Variants in PCDHA7 observed in about 807,000 individuals in gnomAD.
PCDHA7 encodes the protein protocadherin alpha 7, also known as protocadherin alpha-7.
Under a neutral mutation model 57.2 loss-of-function variants are expected in PCDHA7, and 37 were observed. The ratio of observed to expected loss-of-function variants is 0.65; its 90% confidence interval spans 0.50 to 0.85. The LOEUF is 0.85. Ranked by LOEUF, PCDHA7 falls within the 40% of genes least tolerant of loss-of-function variation. The probability of loss-of-function intolerance (pLI) is 0.00; values close to 1 mark genes in which losing one functional copy is unlikely to be tolerated. For synonymous variants in PCDHA7, 553 were observed against 558.8 expected, an observed-to-expected ratio of 0.99 and a Z score of 0.15; for missense variants, 1,188 against 1,241.8, an observed-to-expected ratio of 0.96 and a Z score of 0.65.
At chr5:140,948,313 G>T (rs1554218515) in intron 1 of PCDHA7, among the ~76,000 whole-genome samples, 2 of 151,362 alleles carry the variant, frequency 1.3e-5, no homozygotes, top group Non-Finnish European at 3.0e-5. Flanking sequence ...TCTTCTTGAG[G>T]GGTAATGTTT....
chr5:140,985,233 G>C (rs1447323173), intron 3 of PCDHA7, among the ~76,000 whole-genome samples: 4 of 152,084 alleles, frequency 2.6e-5, no homozygotes, highest in Non-Finnish European at 5.9e-5. Flanking sequence ...CACCGCGCCT[G>C]GCCTAATCTT....
chr5:140,925,917 A>T (rs1480980894), intron 1 of PCDHA7, among the ~76,000 whole-genome samples: 1 of 151,098 alleles, frequency 6.6e-6, no homozygotes, highest in African/African-American at 2.5e-5. Context: ...CCGTTTGCAA[A>T]GCACTCCCAA....
intron 1 of PCDHA7, chr5:140,856,830 T>C (rs1554149191): frequency 2.5e-6 from 4 of 1,592,726 alleles, no homozygotes; most frequent in Non-Finnish European, 3.4e-6. Context: ...ACATTAGTAA[T>C]ACGGCTCAAC....
At position 140,840,157 on chromosome 5, in the gene PCDHA7, G is replaced by T. The variant is rs1313215896; in HGVS notation, c.2355+3419G>T. 2.0e-5 allele frequency among the ~76,000 whole-genome samples: 3 copies of T among 151,986 alleles called. No homozygotes were observed. The East Asian group carries it at 5.8e-4, about 29-fold the overall frequency. ...AGAAATTATCACACGTGAAAGGAGA[G>T]ATGGGATGTATACAAATTTTAAATA... On this transcript the variant is annotated intron_variant, in intron 1 of 3. Transcript: ENST00000525929.
chr5:140,876,853 A>G, intron 1 of PCDHA7: 1 of 1,614,094 alleles, frequency 6.2e-7, no homozygotes. Context: ...GCCCGAGTAC[A>G]CAGTGTTCGT....
At position 140,923,025 on chromosome 5, in the gene PCDHA7, C is replaced by G. The variant is rs547252764; in HGVS notation, c.2356-55924C>G. ...GGTTGTTGGACTGCAGTTTCGGACTCTATTACTACATGTATAGTATTTAGA... is the reference window on the plus strand; with the variant it reads ...GGTTGTTGGACTGCAGTTTCGGACTGTATTACTACATGTATAGTATTTAGA... On this transcript the variant is annotated intron_variant, in intron 1 of 3. Coordinates refer to ENST00000525929, the MANE Select transcript of PCDHA7 (RefSeq NM_018910.3). 2.6e-5 allele frequency among the ~76,000 whole-genome samples: 4 copies of G among 152,296 alleles called. No homozygotes were observed. The East Asian group carries it at 7.7e-4, about 29-fold the overall frequency.
chr5:140,880,848 T>C (rs557784006), intron 1 of PCDHA7, among the ~76,000 whole-genome samples: 31 of 152,258 alleles, frequency 2.0e-4, no homozygotes, highest in African/African-American at 7.0e-4. Flanking sequence ...TGGTTGACTA[T>C]GTAGTCTAAT....
At chr5:140,999,894 G>A (rs1260070986) in intron 3 of PCDHA7, among the ~76,000 whole-genome samples, 3 of 152,096 alleles carry the variant, frequency 2.0e-5, no homozygotes, top group African/African-American at 7.2e-5. Flanking sequence ...TGTAGCTTGG[G>A]ACACCAAACA....
chr5:140,923,206 A>G (rs2081227659), intron 1 of PCDHA7, among the ~76,000 whole-genome samples: 1 of 152,172 alleles, frequency 6.6e-6, no homozygotes, highest in South Asian at 2.1e-4. Flanking sequence ...TTGGGAGGCT[A>G]AGGTGAAAGG....
At chr5:140,842,999 G>A (rs782032676) in intron 1 of PCDHA7, 1 of 1,594,954 alleles carries the variant, frequency 6.3e-7, no homozygotes, top group Admixed American at 1.7e-5. Context: ...GGACGAGAAT[G>A]ACAACGCGCC....
At chr5:140,849,768 G>A (rs1306922979) in intron 1 of PCDHA7, 2 of 1,598,386 alleles carry the variant, frequency 1.3e-6, no homozygotes, top group African/African-American at 2.7e-5. Flanking sequence ...CGAGCTGGTG[G>A]TTACCGCGCG....
At chr5:140,938,507 C>T (rs2092094259) in intron 1 of PCDHA7, among the ~76,000 whole-genome samples, 1 of 151,846 alleles carries the variant, frequency 6.6e-6, no homozygotes, top group Admixed American at 6.6e-5. Flanking sequence ...GAATTTATCA[C>T]ATATTTTCTG....
At chr5:140,945,158 G>C in intron 1 of PCDHA7, among the ~76,000 whole-genome samples, 1 of 151,932 alleles carries the variant, frequency 6.6e-6, no homozygotes, top group Non-Finnish European at 1.5e-5. Flanking sequence ...ATACACTATT[G>C]AACTATCTGA....
chr5:140,928,785 G>A, intron 1 of PCDHA7: 1 of 1,614,144 alleles, frequency 6.2e-7, no homozygotes, highest in Middle Eastern at 1.6e-4. Context: ...ATGCAGTTAA[G>A]CAGAGGGTGG....
At chr5:140,850,001 C>T in intron 1 of PCDHA7, 1 of 1,597,070 alleles carries the variant, frequency 6.3e-7, no homozygotes, top group Non-Finnish European at 8.6e-7. Flanking sequence ...TGGGCGAGCG[C>T]TCGCTGTCGA....
rs112947494 is a variant in PCDHA7, at chr5:140,841,828, C to T, written c.2355+5090C>T. The T allele has an allele frequency of 2.2e-3, 3,483 of 1,613,892 alleles. 96 individuals are homozygous for T. In the African/African-American group the frequency reaches 0.04, roughly 19 times the overall value. ...ATGTTGGAGCTAACTCCGTGTTAAC[C>T]TACAGGCTTAGCTCTCATGATTACT... On this transcript the variant is annotated intron_variant, in intron 1 of 3. Transcript: ENST00000525929.
chr5:140,877,415 T>A (rs1554169714), intron 1 of PCDHA7: 3 of 1,613,882 alleles, frequency 1.9e-6, no homozygotes, highest in Non-Finnish European at 2.5e-6. Flanking sequence ...CACCGCCTGC[T>A]GGTGCTGGTG....
Position 140,836,508 on chromosome 5 carries a change from A to C in PCDHA7, c.2125A>C (p.Ser709Arg). The C allele has an allele frequency of 6.2e-7, 1 of 1,613,830 alleles. No homozygotes were observed. The highest frequency in any genetic ancestry group is 8.5e-7 in the Non-Finnish European group (1 of 1,179,832). Reference sequence around the variant, plus strand: ...GATCATCGCCATCTGCGCGGTGTCCAGTCTGTTGGTGCTTACCCTGCTGCT... The same window carrying C: ...GATCATCGCCATCTGCGCGGTGTCCCGTCTGTTGGTGCTTACCCTGCTGCT... ...YLIIAICAVS[S>R]LLVLTLLLYT... The change falls in exon 1 of 4, where the codon AGT becomes CGT. Residue 709 changes from serine to arginine, a missense_variant. Ser to Arg is a moderately radical substitution (Grantham distance 110). Around this residue, in one of 3 missense-constraint regions of PCDHA7, gnomAD observed 892 missense variants for 788.5 expected, o/e 1.13. Transcript: ENST00000525929.
At chr5:140,996,755 C>T (rs1335663800) in intron 3 of PCDHA7, among the ~76,000 whole-genome samples, 2 of 152,142 alleles carry the variant, frequency 1.3e-5, no homozygotes, top group Non-Finnish European at 2.9e-5. Context: ...TATATCTGTG[C>T]AGGACTAAAA....
Sources: allele counts gnomAD v4.1 joint callset (sites outside exome capture counted in the v4.1 genomes callset), GRCh38; gene constraint gnomAD v4.1.1; regional missense constraint gnomAD v4.1.1; transcripts MANE v1.5; gene names NCBI Gene and HGNC (gene_info 2026-07-23, HGNC 2026-07-21).